Variants in EXOC6B observed in about 807,000 individuals in gnomAD.
EXOC6B encodes the protein exocyst complex component 6B.
In EXOC6B, 54 loss-of-function variants were observed where a neutral mutation model predicts 113.5. That is an observed-to-expected ratio of 0.48 (90% CI 0.38 to 0.60). EXOC6B has a LOEUF of 0.60. Among genes scored for constraint, EXOC6B ranks in the 20% least tolerant of loss-of-function variants. The probability of loss-of-function intolerance (pLI) is 0.00; values close to 1 mark genes in which losing one functional copy is unlikely to be tolerated. For synonymous variants in EXOC6B, 357 were observed against 339.0 expected (o/e 1.05, Z -0.58); for missense variants, 797 against 977.5 (o/e 0.82, Z 2.46).
chr2:72,250,117 T>G (rs779952428), intron 20 of EXOC6B, among the ~76,000 whole-genome samples: 1 of 152,232 alleles, frequency 6.6e-6, no homozygotes, highest in Non-Finnish European at 1.5e-5. Context: ...TCATGCAGAA[T>G]GTAACACAAA....
At chr2:72,612,447 A>G in intron 6 of EXOC6B, among the ~76,000 whole-genome samples, 1 of 152,076 alleles carries the variant, frequency 6.6e-6, no homozygotes, top group East Asian at 1.9e-4. Flanking sequence ...TCCTTCTCCC[A>G]TAATAACAGA....
In EXOC6B at chr2:72,557,289, CCGGG is replaced by C. The variant is rs1364033285; in HGVS notation, c.915+2160_915+2163del. Among the ~76,000 whole-genome samples the C allele has an allele frequency of 2.8e-3, 22 of 7,792 alleles. 1 individual carries two copies. Among genetic ancestry groups the C allele is most frequent in the Admixed American group, 9.5e-3 (6 of 632 alleles). The allele number at this position is 7,792 out of a possible 152,430, so 5.1% of individuals were successfully genotyped here. On this transcript the variant is annotated intron_variant, in intron 8 of 21. Transcript: ENST00000272427. Reference sequence around the variant, plus strand: ...AAAATATAATGAAACAAAATAAAATCCGGGGGGGGGGGGGGGCCTTTATGAACTG... The same window carrying C: ...AAAATATAATGAAACAAAATAAAATCGGGGGGGGGGGGCCTTTATGAACTG...
At chr2:72,311,858 A>G (rs183820195) in intron 20 of EXOC6B, among the ~76,000 whole-genome samples, 1 of 152,310 alleles carries the variant, frequency 6.6e-6, no homozygotes, top group Non-Finnish European at 1.5e-5. Flanking sequence ...AAAGTCTGAG[A>G]AGGAGCAGGG....
chr2:72,266,781 A>T (rs868068622), intron 20 of EXOC6B, among the ~76,000 whole-genome samples: 3 of 152,154 alleles, frequency 2.0e-5, no homozygotes, highest in Middle Eastern at 3.4e-3. Flanking sequence ...GTTTTTTTCC[A>T]ATTCTGTGAA....
At position 72,534,012 on chromosome 2, in the gene EXOC6B, C is replaced by T. The variant is rs185945125; in HGVS notation, c.916-18886G>A. Among the ~76,000 whole-genome samples the T allele has an allele frequency of 5.3e-5, 8 of 152,174 alleles. 1 individual carries two copies. Among genetic ancestry groups the T allele is most frequent in the Non-Finnish European group, 1.5e-5 (1 of 68,002 alleles). On this transcript the variant is annotated intron_variant, in intron 8 of 21. Coordinates refer to ENST00000272427, the MANE Select transcript of EXOC6B (RefSeq NM_015189.3). ...TCTCACTGAACCTCAATTCCCTAAA[C>T]CATCAAGTGAATATTAGATATTCAC...
At chr2:72,380,272 T>C (rs575035104) in intron 18 of EXOC6B, among the ~76,000 whole-genome samples, 25 of 152,212 alleles carry the variant, frequency 1.6e-4, no homozygotes, top group Admixed American at 8.5e-4. Flanking sequence ...TTCTTAAAAA[T>C]AAAATGTGAA....
chr2:72,514,636 T>A lies in EXOC6B; in HGVS notation c.1044A>T (p.Val348=). The part of the protein sequence containing the change: ...DGYRKYFNQI[V]GFFVVEDHIL... Reference sequence around the variant, plus strand: ...TATATATATATATATATACCTACCCTACAATTTGATTAAAATACTTCCTGT... The same window carrying A: ...TATATATATATATATATACCTACCCAACAATTTGATTAAAATACTTCCTGT... Residue 348 remains valine (V), a splice_region_variant and synonymous_variant, in exon 10 of 22, where the codon GTA becomes GTT. Transcript: ENST00000272427. The A allele has an allele frequency of 3.0e-6, 3 of 986,002 alleles. No homozygotes were observed. Among genetic ancestry groups the A allele is most frequent in the Non-Finnish European group, 2.9e-6 (2 of 685,372 alleles). 61.1% of individuals were successfully genotyped at this position (986,002 alleles called of 1,614,324 possible). A position where few individuals can be genotyped will look rare whatever the true frequency, so the allele number is the denominator to read the frequency against.
chr2:72,506,201 G>C (rs1183332433), intron 11 of EXOC6B, among the ~76,000 whole-genome samples: 1 of 151,832 alleles, frequency 6.6e-6, no homozygotes, highest in African/African-American at 2.4e-5. Flanking sequence ...ACATAAAAAC[G>C]CAAAAAAAAT....
intron 20 of EXOC6B, among the ~76,000 whole-genome samples, chr2:72,201,301 G>A (rs2104334675): frequency 6.6e-6 from 1 of 152,156 alleles, no homozygotes; most frequent in South Asian, 2.1e-4. Flanking sequence ...TTTCATGATG[G>A]AAATTTGTAC....
At chr2:72,800,326 G>A (rs1246057976) in intron 1 of EXOC6B, among the ~76,000 whole-genome samples, 1 of 151,994 alleles carries the variant, frequency 6.6e-6, no homozygotes, top group Admixed American at 6.6e-5. Context: ...GTTAAATGAT[G>A]AGTAATCAAA....
chr2:72,448,922 A>G (rs1696747127), intron 18 of EXOC6B, among the ~76,000 whole-genome samples: 2 of 152,200 alleles, frequency 1.3e-5, no homozygotes, highest in Non-Finnish European at 2.9e-5. Context: ...GCCGATAGAG[A>G]GTGTCATTAG....
At chr2:72,791,610 A>C (rs1336197216) in intron 1 of EXOC6B, among the ~76,000 whole-genome samples, 1 of 152,228 alleles carries the variant, frequency 6.6e-6, no homozygotes, top group Non-Finnish European at 1.5e-5. Context: ...ATAAATAAAT[A>C]AATTTAAGAT....
chr2:72,779,281 C>T (rs1307702422), intron 1 of EXOC6B, among the ~76,000 whole-genome samples: 2 of 151,590 alleles, frequency 1.3e-5, no homozygotes, highest in East Asian at 3.9e-4. Flanking sequence ...CTCTATCTGC[C>T]ACTGTATTAT....
chr2:72,537,505 C>T (rs1456542117), intron 8 of EXOC6B, among the ~76,000 whole-genome samples: 1 of 150,840 alleles, frequency 6.6e-6, no homozygotes, highest in Non-Finnish European at 1.5e-5. Context: ...GTGGCACGTG[C>T]CTATAGTCCC....
chr2:72,328,245 C>T (rs1388559865), intron 20 of EXOC6B, among the ~76,000 whole-genome samples: 2 of 152,048 alleles, frequency 1.3e-5, no homozygotes, highest in Non-Finnish European at 2.9e-5. Flanking sequence ...AACCAAAGGA[C>T]CATCTTTTGA....
intron 6 of EXOC6B, among the ~76,000 whole-genome samples, chr2:72,611,917 T>C (rs917992661): frequency 6.6e-6 from 1 of 152,084 alleles, no homozygotes; most frequent in Non-Finnish European, 1.5e-5. Context: ...AAAACGTACA[T>C]ACACAACTAT....
chr2:72,824,871 G>A (rs543284674), intron 1 of EXOC6B, among the ~76,000 whole-genome samples: 42 of 152,238 alleles, frequency 2.8e-4, no homozygotes, highest in African/African-American at 9.9e-4. Context: ...GTGGTTAAGT[G>A]TCTGGGTCCA....
intron 6 of EXOC6B, among the ~76,000 whole-genome samples, chr2:72,666,459 AACTATAAGAAG>A (rs1190865785): frequency 6.6e-6 from 1 of 152,160 alleles, no homozygotes. Flanking sequence ...CAGATCACAG[AACTATAAGAAG>A]ACAAGAATGC....
intron 19 of EXOC6B, among the ~76,000 whole-genome samples, chr2:72,370,963 C>T (rs963503361): frequency 6.6e-5 from 10 of 151,508 alleles, no homozygotes; most frequent in Admixed American, 6.6e-4. Flanking sequence ...CAAACCTGCA[C>T]ATTGTGCACA....
Sources: gnomAD v4.1 joint callset for allele counts (sites outside exome capture counted in the v4.1 genomes callset) on GRCh38, gnomAD v4.1.1 for gene constraint, MANE v1.5 for transcripts, NCBI Gene and HGNC (gene_info 2026-07-23, HGNC 2026-07-21) for gene names.